GSDMC: variants seen among roughly 807,000 people sequenced by gnomAD.
GSDMC encodes gasdermin C.
A neutral mutation model predicts 58.0 loss-of-function variants in GSDMC; 59 were observed. That is an observed-to-expected ratio of 1.02 (90% CI 0.82 to 1.26). The LOEUF is 1.26. GSDMC is among the 50% of genes most tolerant of loss of function. The pLI is 0.00. For missense variants in GSDMC, 659 were observed against 598.5 expected, an observed-to-expected ratio of 1.10 and a Z score of -1.06; for synonymous variants, 241 against 220.2, an observed-to-expected ratio of 1.09 and a Z score of -0.83.
chr8:129,761,941 GGAGCT>G (rs1396790239), intron 5 of GSDMC, among the ~76,000 whole-genome samples: 9 of 152,300 alleles, frequency 5.9e-5, no homozygotes, highest in Non-Finnish European at 1.0e-4. Flanking sequence ...GGGAGAAGGA[GGAGCT>G]GAACTCGATC....
intron 6 of GSDMC, among the ~76,000 whole-genome samples, chr8:129,753,294 G>A (rs904692261): frequency 1.1e-4 from 16 of 152,180 alleles, no homozygotes; most frequent in African/African-American, 2.2e-4. Context: ...GTCCCGCATC[G>A]TGGATATCAC....
chr8:129,715,941 GT>G, the GSDMC span, among the ~76,000 whole-genome samples: 1 of 152,130 alleles, frequency 6.6e-6, no homozygotes, highest in Non-Finnish European at 1.5e-5. Flanking sequence ...GCCATTGTAA[GT>G]TTTTTATACT....
the GSDMC span, among the ~76,000 whole-genome samples, chr8:129,706,142 G>T: frequency 4.6e-5 from 7 of 152,164 alleles, no homozygotes; most frequent in Non-Finnish European, 8.8e-5. Flanking sequence ...GAGGGGCTCA[G>T]GTGTAGAGGA....
chr8:129,749,403 G>C (rs781222398), intron 13 of GSDMC, 49 bp downstream of exon 13: 3 of 1,259,844 alleles, frequency 2.4e-6, no homozygotes, highest in African/African-American at 2.9e-5. Context: ...TCTTACCTCT[G>C]GTTCCCTCAC....
intron 3 of GSDMC, among the ~76,000 whole-genome samples, chr8:129,767,752 C>A (rs143614752): frequency 3.5e-4 from 54 of 152,256 alleles, no homozygotes; most frequent in Admixed American, 1.9e-3. Context: ...AGACCACCAC[C>A]AATTACAAAA....
chr8:129,717,238 T>A, the GSDMC span, among the ~76,000 whole-genome samples: 1 of 146,186 alleles, frequency 6.8e-6, no homozygotes, highest in Non-Finnish European at 1.5e-5. Flanking sequence ...TGTGACTCCA[T>A]CTGGTCCTGG....
At chr8:129,744,011 A>G (rs899407432), downstream of GSDMC, among the ~76,000 whole-genome samples, 1 of 151,982 alleles carries the variant, frequency 6.6e-6, no homozygotes, top group East Asian at 1.9e-4. Context: ...TATTTAGACC[A>G]AGGCTCAAGG....
At chr8:129,710,762 G>A in the GSDMC span, among the ~76,000 whole-genome samples, 83 of 152,250 alleles carry the variant, frequency 5.5e-4, 1 homozygote, top group African/African-American at 2.0e-3. Context: ...TAAGTGAATA[G>A]GGTCAAAGGT....
chr8:129,748,641 T>C lies in GSDMC; in HGVS notation c.1387A>G (p.Ile463Val), dbSNP rs202184744. 8.7e-6 allele frequency: 14 copies of C among 1,611,982 alleles called. No individual in the cohort carries two copies. In the African/African-American group the frequency reaches 1.7e-4, roughly 20 times the overall value. The change falls in exon 14 of 14, where the codon ATC becomes GTC. Residue 463 changes from isoleucine to valine, a missense_variant. Coordinates refer to ENST00000276708, the MANE Select transcript of GSDMC (RefSeq NM_031415.3). ...CACTCCTCCAGCAGGCCATAGGTGA[T>C]GGCCAAACCCTCACTCTGGAGTGGG... ...LAPLQSEGLAITYGLLEECGL... is the reference protein window; with the variant it reads ...LAPLQSEGLAVTYGLLEECGL...
chr8:129,709,609 TA>T, the GSDMC span, among the ~76,000 whole-genome samples: 1 of 151,462 alleles, frequency 6.6e-6, no homozygotes, highest in Non-Finnish European at 1.5e-5. Flanking sequence ...GATAGATAGA[TA>T]GATAGATAGA....
intron 2 of GSDMC, among the ~76,000 whole-genome samples, chr8:129,776,922 T>A (rs901722314): frequency 8.7e-6 from 1 of 114,698 alleles, no homozygotes; most frequent in Non-Finnish European, 1.7e-5. Flanking sequence ...CACCCATGCC[T>A]GGATAATTTT....
downstream of GSDMC, among the ~76,000 whole-genome samples, chr8:129,746,871 C>T (rs2130301650): frequency 6.6e-6 from 1 of 152,184 alleles, no homozygotes; most frequent in South Asian, 2.1e-4. Context: ...TATGAAGGGA[C>T]TTGGGGAGTG....
intron 5 of GSDMC, 55 bp from the exon 6 acceptor site, chr8:129,760,644 C>A: frequency 1.9e-6 from 1 of 520,594 alleles, no homozygotes; most frequent in Non-Finnish European, 2.8e-6. Flanking sequence ...CCTGCCTGAA[C>A]CTAGACCAGG....
Position 129,777,483 on chromosome 8 carries a change from C to A in GSDMC, c.105G>T (p.Gln35His). ...KYLLSATKLR[Q>H]FVILRKKKDS... ...CCTTCTTCTTTCGTAATATAACAAA[C>A]TGACGTAATTTGGTGGCACTCAATA... Residue 35 changes from glutamine (Q) to histidine (H), a missense_variant, in exon 2 of 14, where the codon CAG becomes CAT. Coordinates refer to ENST00000276708, the MANE Select transcript of GSDMC (RefSeq NM_031415.3). The A allele has an allele frequency of 6.2e-7, 1 of 1,613,068 alleles. No individual in the cohort carries two copies. Among genetic ancestry groups the A allele is most frequent in the South Asian group, 1.1e-5 (1 of 91,058 alleles).
intron 13 of GSDMC, among the ~76,000 whole-genome samples, chr8:129,749,071 G>A (rs894793187): frequency 6.6e-6 from 1 of 152,150 alleles, no homozygotes; most frequent in African/African-American, 2.4e-5. Context: ...TACTTGGAGA[G>A]AGAAAAACAG....
intron 3 of GSDMC, among the ~76,000 whole-genome samples, chr8:129,770,820 C>A (rs1413844415): frequency 1.3e-5 from 2 of 151,674 alleles, no homozygotes; most frequent in East Asian, 3.9e-4. Context: ...ATTAAATTTT[C>A]CAAACTAAAG....
chr8:129,727,678 C>T, the GSDMC span, among the ~76,000 whole-genome samples: 4 of 152,188 alleles, frequency 2.6e-5, no homozygotes, highest in Admixed American at 6.5e-5. Flanking sequence ...AATCTAGGCA[C>T]ATACAAAGTC....
At chr8:129,742,638 T>C in the GSDMC span, among the ~76,000 whole-genome samples, 3 of 152,152 alleles carry the variant, frequency 2.0e-5, no homozygotes, top group African/African-American at 4.8e-5. Flanking sequence ...TAGGCTGTTC[T>C]TGGGTTCCTC....
At chr8:129,769,210 T>C (rs1010603855) in intron 3 of GSDMC, among the ~76,000 whole-genome samples, 2 of 152,144 alleles carry the variant, frequency 1.3e-5, no homozygotes, top group Admixed American at 6.5e-5. Flanking sequence ...CAAAAGGGTC[T>C]ACACCAAGAC....
Sources: allele counts gnomAD v4.1 joint callset (sites outside exome capture counted in the v4.1 genomes callset), GRCh38; gene constraint gnomAD v4.1.1; transcripts MANE v1.5; gene names NCBI Gene and HGNC (gene_info 2026-07-23, HGNC 2026-07-21).